Variants in DUSP14 observed in about 807,000 individuals in gnomAD.
DUSP14 encodes dual specificity protein phosphatase 14.
In DUSP14, 5 loss-of-function variants were observed where a neutral mutation model predicts 13.2. The observed-to-expected ratio is 0.38, with a 90% CI of 0.20 to 0.80. DUSP14 has a LOEUF of 0.80. DUSP14 is among the 30% of genes least tolerant of loss of function. The probability of loss-of-function intolerance (pLI) is 0.44; values close to 1 mark genes in which losing one functional copy is unlikely to be tolerated. For missense variants in DUSP14, 185 were observed against 264.0 expected (o/e 0.70, Z 2.07); for synonymous variants, 91 against 103.4 (o/e 0.88, Z 0.73).
intron 1 of DUSP14, among the ~76,000 whole-genome samples, chr17:37,500,301 C>T (rs538719223): frequency 6.5e-4 from 99 of 152,278 alleles, no homozygotes; most frequent in Middle Eastern, 3.4e-3. Context: ...TGAAACTCTC[C>T]GCTGGAGCTT....
chr17:37,488,960 G>A (rs1251764809), upstream of DUSP14, among the ~76,000 whole-genome samples: 1 of 152,194 alleles, frequency 6.6e-6, no homozygotes, highest in Non-Finnish European at 1.5e-5. Flanking sequence ...GGGCTGGTGA[G>A]TCAAGGACTG....
intron 1 of DUSP14, among the ~76,000 whole-genome samples, chr17:37,509,269 A>G (rs1211921860): frequency 0.5 from 39,202 of 79,002 alleles, 10,857 homozygotes; most frequent in Admixed American, 0.64. Context: ...ATATATATAT[A>G]TATATATATA....
intron 1 of DUSP14, among the ~76,000 whole-genome samples, chr17:37,509,137 A>ATATGTG (rs1568204463): frequency 2.2e-5 from 1 of 46,442 alleles, no homozygotes; most frequent in Non-Finnish European, 3.7e-5. Context: ...ATACACACAC[A>ATATGTG]CACACACACA....
chr17:37,495,670 T>C (rs1266328967), intron 1 of DUSP14, among the ~76,000 whole-genome samples: 1 of 151,534 alleles, frequency 6.6e-6, no homozygotes, highest in African/African-American at 2.4e-5. Context: ...GTTTTTTTGT[T>C]TTTTTTTTGA....
intron 1 of DUSP14, among the ~76,000 whole-genome samples, chr17:37,503,432 A>C (rs1344146835): frequency 6.6e-6 from 1 of 152,112 alleles, no homozygotes; most frequent in Non-Finnish European, 1.5e-5. Context: ...TGTCAAAAAC[A>C]AAACAAAAAA....
At chr17:37,511,937 A>AGTTTTTTTTTTTTGTTTT (rs1329764853) in intron 2 of DUSP14, among the ~76,000 whole-genome samples, 7 of 16,442 alleles carry the variant, frequency 4.3e-4, no homozygotes, top group Non-Finnish European at 5.8e-4. Flanking sequence ...CCCCCACCCC[A>AGTTTTTTTTTTTTGTTTT]CTTTTTTTTT....
At chr17:37,495,877 C>A (rs1247834007) in intron 1 of DUSP14, among the ~76,000 whole-genome samples, 1 of 152,066 alleles carries the variant, frequency 6.6e-6, no homozygotes, top group Non-Finnish European at 1.5e-5. Context: ...TCAGGCTGGT[C>A]TCGATCTCAT....
chr17:37,512,167 C>T lies in DUSP14; in HGVS notation c.-92-14C>T, dbSNP rs1192857611. On this transcript the variant is annotated splice_polypyrimidine_tract_variant and intron_variant, in intron 2 of 2. Coordinates refer to ENST00000617516, the MANE Select transcript of DUSP14 (RefSeq NM_007026.4). The surrounding 1 kb of genome is among the most constrained non-coding windows in gnomAD (Gnocchi z 4.8). ...GTAGCATTTAAAGTACTGACACATA[C>T]CTGTATTTTGCAGGAAGGAGACTCT... 2 of 859,954 alleles carry T rather than the reference C, an allele frequency of 2.3e-6. No individual in the cohort carries two copies. The highest frequency in any genetic ancestry group is 2.4e-5 in the East Asian group (1 of 41,120). 53.3% of individuals were successfully genotyped at this position (859,954 alleles called of 1,614,324 possible).
chr17:37,508,808 T>G (rs2054154683), intron 1 of DUSP14, among the ~76,000 whole-genome samples: 1 of 148,212 alleles, frequency 6.7e-6, no homozygotes, highest in Non-Finnish European at 1.5e-5. Flanking sequence ...CAAAAACCAT[T>G]TTAAAATGTT....
At chr17:37,490,805 G>T (rs1339976703) in intron 1 of DUSP14, among the ~76,000 whole-genome samples, 1 of 152,098 alleles carries the variant, frequency 6.6e-6, no homozygotes, top group African/African-American at 2.4e-5. Flanking sequence ...TAAGAGAGGG[G>T]GGTGGAGAGC....
At chr17:37,496,569 C>T (rs1013132352) in intron 1 of DUSP14, among the ~76,000 whole-genome samples, 1 of 152,110 alleles carries the variant, frequency 6.6e-6, no homozygotes, top group Non-Finnish European at 1.5e-5. Context: ...GCCTGACCAA[C>T]ATAGTGAAAC....
At position 37,513,132 on chromosome 17, in the gene DUSP14, AAC is replaced by A. The variant is rs2054207238; in HGVS notation, c.*265_*266del. ...GCTTTTAATCATTTTTACCAATTTG[AAC>A]AGTTTAATAAACTGGTTCTGCTCTC... On this transcript the variant is annotated 3_prime_UTR_variant, in exon 3 of 3. Transcript: ENST00000617516. The A allele has an allele frequency of 7.8e-6, 4 of 510,994 alleles. No homozygotes were observed. The South Asian group carries it at 1.1e-4, about 13-fold the overall frequency. 31.7% of individuals were successfully genotyped at this position (510,994 alleles called of 1,614,324 possible).
intron 1 of DUSP14, among the ~76,000 whole-genome samples, chr17:37,508,836 G>C (rs1193996692): frequency 6.8e-6 from 1 of 147,338 alleles, no homozygotes; most frequent in Non-Finnish European, 1.5e-5. Context: ...CGTGTCATAG[G>C]ACCCAGCCCT....
At chr17:37,488,674 C>T (rs2054005336), upstream of DUSP14, among the ~76,000 whole-genome samples, 1 of 152,178 alleles carries the variant, frequency 6.6e-6, no homozygotes, top group African/African-American at 2.4e-5. Flanking sequence ...ATAAATCTCT[C>T]TAGTCTGGGC....
intron 1 of DUSP14, among the ~76,000 whole-genome samples, chr17:37,497,993 C>G (rs1444243178): frequency 1.3e-5 from 2 of 151,502 alleles, no homozygotes; most frequent in Non-Finnish European, 2.9e-5. Context: ...CTGCAGTGAG[C>G]CTAGATTGCA....
At chr17:37,500,808 G>A (rs1220332695) in intron 1 of DUSP14, among the ~76,000 whole-genome samples, 2 of 152,104 alleles carry the variant, frequency 1.3e-5, no homozygotes, top group African/African-American at 4.8e-5. Flanking sequence ...TTTCACACCC[G>A]AAGACCATCT....
chr17:37,508,734 A>AT (rs1568204174), intron 1 of DUSP14, among the ~76,000 whole-genome samples: 19 of 144,164 alleles, frequency 1.3e-4, no homozygotes, highest in African/African-American at 3.6e-4. Context: ...ACTCCATCTC[A>AT]ATATATATAT....
At chr17:37,489,055 C>T (rs1360726562), upstream of DUSP14, among the ~76,000 whole-genome samples, 2 of 152,232 alleles carry the variant, frequency 1.3e-5, no homozygotes, top group Non-Finnish European at 2.9e-5. Context: ...CTCCCTTCAC[C>T]TGCCAGAGGC....
intron 1 of DUSP14, among the ~76,000 whole-genome samples, chr17:37,492,942 G>T (rs1211734378): frequency 6.6e-6 from 1 of 151,988 alleles, no homozygotes; most frequent in East Asian, 1.9e-4. Flanking sequence ...TTTAACCTCA[G>T]TGCAAACTAA....
Sources: gnomAD v4.1 joint callset for allele counts (sites outside exome capture counted in the v4.1 genomes callset) on GRCh38, gnomAD v4.1.1 for gene constraint, Gnocchi (gnomAD v3.1) non-coding constraint, MANE v1.5 for transcripts, NCBI Gene and HGNC (gene_info 2026-07-23, HGNC 2026-07-21) for gene names.